The following UBASH3A variants were observed in gnomAD, a reference collection of about 807,000 sequenced individuals.
The protein encoded by UBASH3A is ubiquitin-associated and SH3 domain-containing protein A.
A neutral mutation model predicts 73.5 loss-of-function variants in UBASH3A; 63 were observed. The observed-to-expected ratio is 0.86, with a 90% CI of 0.70 to 1.06. UBASH3A has a LOEUF of 1.06. Among genes scored for constraint, UBASH3A ranks in the 50% least tolerant of loss-of-function variants. The pLI is 0.00. For synonymous variants in UBASH3A, 363 were observed against 351.1 expected (o/e 1.03, Z -0.38); for missense variants, 860 against 859.0 (o/e 1.00, Z -0.02).
intron 6 of UBASH3A, among the ~76,000 whole-genome samples, chr21:42,417,878 C>CTTTTTTTTTTTTTTTTTTTT (rs796939696): frequency 7.5e-4 from 68 of 90,606 alleles, no homozygotes; most frequent in East Asian, 1.7e-3. Context: ...TTCTTTTTTT[C>CTTTTTTTTTTTTTTTTTTTT]TTTTTTTTTT....
intron 7 of UBASH3A, among the ~76,000 whole-genome samples, chr21:42,420,493 T>A (rs1217799456): frequency 6.6e-6 from 1 of 152,248 alleles, no homozygotes; most frequent in Non-Finnish European, 1.5e-5. Context: ...TTTTATATTA[T>A]ATACACATGT....
intron 3 of UBASH3A, among the ~76,000 whole-genome samples, chr21:42,411,926 G>A (rs921074824): frequency 1.3e-5 from 2 of 152,232 alleles, no homozygotes; most frequent in African/African-American, 4.8e-5. Context: ...CAGACAGGGA[G>A]GAATGTCAGG....
intron 7 of UBASH3A, among the ~76,000 whole-genome samples, chr21:42,423,390 G>A (rs1489403566): frequency 1.3e-5 from 2 of 152,222 alleles, no homozygotes; most frequent in Non-Finnish European, 2.9e-5. Flanking sequence ...TCGGGCCCAG[G>A]AGGCCAGGTG....
chr21:42,436,149 T>C (rs1010025406), intron 10 of UBASH3A, among the ~76,000 whole-genome samples: 1 of 151,776 alleles, frequency 6.6e-6, no homozygotes, highest in Admixed American at 6.6e-5. Flanking sequence ...AATTATAGAG[T>C]TATAGAGCTA....
In UBASH3A at chr21:42,428,095, T is replaced by G. The variant is rs1408703109; in HGVS notation, c.1170+1275T>G. Among the ~76,000 whole-genome samples the G allele has an allele frequency of 2.6e-5, 4 of 152,126 alleles. No homozygotes were observed. In the East Asian group the frequency reaches 7.7e-4, roughly 29 times the overall value. The stretch of plus-strand genomic sequence containing the variant: ...CAGACACACAAGAGGGATGGCCCTG[T>G]GAGGACACAGGGAGGGGACACCACC... On this transcript the variant is annotated intron_variant, in intron 8 of 14. Transcript: ENST00000319294.
chr21:42,437,872 A>G (rs1002848207), intron 11 of UBASH3A, among the ~76,000 whole-genome samples: 1 of 152,200 alleles, frequency 6.6e-6, no homozygotes, highest in Non-Finnish European at 1.5e-5. Context: ...TTTTTAAAAT[A>G]CACCTGGAAA....
chr21:42,447,296 A>T lies in UBASH3A; in HGVS notation c.*102A>T, dbSNP rs537200259. 1 of 1,286,680 alleles carries T rather than the reference A, an allele frequency of 7.8e-7. No homozygotes were observed. The highest frequency in any genetic ancestry group is 1.1e-6 in the Non-Finnish European group (1 of 934,130). The allele number at this position is 1,286,680 out of a possible 1,614,324, so 79.7% of individuals were successfully genotyped here. The stretch of plus-strand genomic sequence containing the variant: ...TCCAGAGGCGTCTTAGTCTCACCCA[A>T]TGTGATTTGTAGAAGCACGAGACGC... On this transcript the variant is annotated 3_prime_UTR_variant, in exon 15 of 15. Coordinates refer to ENST00000319294, the MANE Select transcript of UBASH3A (RefSeq NM_018961.4).
rs143193657 is a variant in UBASH3A at position 42,418,918 on chromosome 21, G to T, written c.1046+309G>T. Among the ~76,000 whole-genome samples, 249 of 152,076 alleles carry T rather than the reference G, an allele frequency of 1.6e-3. 1 individual carries two copies. Among genetic ancestry groups the T allele is most frequent in the African/African-American group, 5.7e-3 (237 of 41,458 alleles). On this transcript the variant is annotated intron_variant, in intron 7 of 14. Transcript: ENST00000319294. ...ATTATACTCAGAGGTCCTGAGCTTG[G>T]GTTTATTTATTCTTCTGCTCCGTGT...
chr21:42,433,122 A>T (rs2053564904), intron 9 of UBASH3A, among the ~76,000 whole-genome samples: 2 of 152,248 alleles, frequency 1.3e-5, no homozygotes, highest in South Asian at 4.1e-4. Context: ...ATATTTGGTC[A>T]TCTGGACAAA....
chr21:42,424,759 G>A (rs1376833418), intron 7 of UBASH3A, among the ~76,000 whole-genome samples: 1 of 152,212 alleles, frequency 6.6e-6, no homozygotes, highest in Non-Finnish European at 1.5e-5. Context: ...TGGAGGTCCT[G>A]ACCCCTAACA....
intron 11 of UBASH3A, among the ~76,000 whole-genome samples, chr21:42,441,043 C>T (rs1010178188): frequency 1.3e-5 from 2 of 152,110 alleles, no homozygotes; most frequent in African/African-American, 4.8e-5. Context: ...TCTCAGTGAC[C>T]TTTAAGTGCA....
chr21:42,406,252 A>G (rs2052973408), intron 1 of UBASH3A, 56 bp from the exon 2 acceptor site: 2 of 1,468,750 alleles, frequency 1.4e-6, no homozygotes, highest in Non-Finnish European at 1.9e-6. Context: ...TGCCTCTCTG[A>G]CCCTTTTCCC....
chr21:42,412,271 G>A (rs528034880), intron 3 of UBASH3A, among the ~76,000 whole-genome samples: 2 of 152,286 alleles, frequency 1.3e-5, no homozygotes, highest in East Asian at 1.9e-4. Context: ...GTCGGGCTCC[G>A]TGGGCCTGAG....
intron 13 of UBASH3A, among the ~76,000 whole-genome samples, chr21:42,444,273 G>A (rs777408124): frequency 3.9e-5 from 6 of 152,182 alleles, no homozygotes; most frequent in South Asian, 2.1e-4. Flanking sequence ...GGCAGCCAGC[G>A]ACCACAGGGG....
rs760531897 is a variant in UBASH3A, at chr21:42,447,037, G to A, written c.1849-20G>A. 8.1e-6 allele frequency: 13 copies of A among 1,607,198 alleles called. No individual in the cohort carries two copies. Among genetic ancestry groups the A allele is most frequent in the Non-Finnish European group, 8.5e-6 (10 of 1,177,582 alleles). On this transcript the variant is annotated intron_variant, in intron 14 of 14. Coordinates refer to ENST00000319294, the MANE Select transcript of UBASH3A (RefSeq NM_018961.4). ...GACTTGCTATAAGATATTAACAAGT[G>A]ATTTAAAACTCTGTTCCAGATCCCT...
At position 42,426,677 on chromosome 21, in the gene UBASH3A, G is replaced by T; in HGVS notation, c.1047-20G>T. 1 of 1,612,676 alleles carries T rather than the reference G, an allele frequency of 6.2e-7. No individual in the cohort carries two copies. Among genetic ancestry groups the T allele is most frequent in the Non-Finnish European group, 8.5e-7 (1 of 1,179,184 alleles). ...ACATGGTCTCACTTCTGTTCAAGCC[G>T]TGCTTTCCTTCCCCTGCAGGATGTA... On this transcript the variant is annotated intron_variant, in intron 7 of 14. Coordinates refer to ENST00000319294, the MANE Select transcript of UBASH3A (RefSeq NM_018961.4).
At chr21:42,427,545 G>C (rs2053459397) in intron 8 of UBASH3A, among the ~76,000 whole-genome samples, 1 of 152,154 alleles carries the variant, frequency 6.6e-6, no homozygotes, top group Non-Finnish European at 1.5e-5. Context: ...ATCCCCAATC[G>C]ACACAGGAGG....
rs971867880 is a variant in UBASH3A at position 42,413,650 on chromosome 21, G to C, written c.667+127G>C. The C allele has an allele frequency of 2.8e-6, 2 of 715,196 alleles. No homozygotes were observed. The highest frequency in any genetic ancestry group is 2.3e-6 in the Non-Finnish European group (1 of 438,642). 44.3% of individuals were successfully genotyped at this position (715,196 alleles called of 1,614,324 possible). A position where few individuals can be genotyped will look rare whatever the true frequency, so the allele number is the denominator to read the frequency against. ...ACAGCCTGGGAAAGTGCCCCAGAAG[G>C]GTGTGCCAAGCATCAAGCCTGAGTG... On this transcript the variant is annotated intron_variant, in intron 5 of 14. Transcript: ENST00000319294. The surrounding 1 kb of genome is among the most constrained non-coding windows in gnomAD (Gnocchi z 4.5).
At chr21:42,444,369 G>A (rs1358196563) in intron 13 of UBASH3A, among the ~76,000 whole-genome samples, 165 bp from the exon 14 acceptor site, 2 of 152,240 alleles carry the variant, frequency 1.3e-5, no homozygotes, top group Non-Finnish European at 2.9e-5. Flanking sequence ...GTGGGACGCA[G>A]GCATCACTGA....
Sources: gnomAD v4.1 joint callset for allele counts (sites outside exome capture counted in the v4.1 genomes callset) on GRCh38, gnomAD v4.1.1 for gene constraint, Gnocchi (gnomAD v3.1) non-coding constraint, MANE v1.5 for transcripts, NCBI Gene and HGNC (gene_info 2026-07-23, HGNC 2026-07-21) for gene names.